The following SMAD4 variants were observed in gnomAD, a reference collection of about 807,000 sequenced individuals.
SMAD4 encodes the protein MAD homolog 4.
SMAD4 carries 7 observed loss-of-function variants against 63.2 expected under a neutral mutation model. The observed-to-expected ratio is 0.11, with a 90% CI of 0.06 to 0.21. The LOEUF (loss-of-function observed/expected upper bound fraction) is 0.21, where lower values mean the gene tolerates loss of function less well. Ranked by LOEUF, SMAD4 falls within the 10% of genes least tolerant of loss-of-function variation. SMAD4 has a pLI of 1.00. For missense variants in SMAD4, 312 were observed against 693.8 expected (o/e 0.45, Z 6.18); for synonymous variants, 215 against 235.4 (o/e 0.91, Z 0.79).
At chr18:51,056,799 T>A (rs955623476) in intron 5 of SMAD4, among the ~76,000 whole-genome samples, 1 of 152,186 alleles carries the variant, frequency 6.6e-6, no homozygotes, top group African/African-American at 2.4e-5. Flanking sequence ...TCAGTATGGA[T>A]AACTACAGTG....
chr18:51,035,440 G>A (rs796159803), intron 1 of SMAD4, among the ~76,000 whole-genome samples: 4 of 152,238 alleles, frequency 2.6e-5, no homozygotes, highest in African/African-American at 9.6e-5. Flanking sequence ...ACTTCAGGAG[G>A]CTAAGGCAAG....
chr18:51,059,546 T>C (rs1909948741), intron 7 of SMAD4, among the ~76,000 whole-genome samples: 1 of 152,262 alleles, frequency 6.6e-6, no homozygotes, highest in South Asian at 2.1e-4. Flanking sequence ...CATTGCATTA[T>C]AAATTGTACT....
rs1479928860 is a variant in SMAD4, at chr18:51,046,904, T to C, written c.-127-16T>C. ...AATGTGTTCTGATGTGTGTCTTTTTTTTTTTTCTTTTTTAGGTTATCCTGA... is the reference window on the plus strand; with the variant it reads ...AATGTGTTCTGATGTGTGTCTTTTTCTTTTTTCTTTTTTAGGTTATCCTGA... On this transcript the variant is annotated splice_polypyrimidine_tract_variant and intron_variant, in intron 1 of 11. Coordinates refer to ENST00000342988, the MANE Select transcript of SMAD4 (RefSeq NM_005359.6). 1 of 684,846 alleles carries C rather than the reference T, an allele frequency of 1.5e-6. No individual in the cohort carries two copies. Among genetic ancestry groups the C allele is most frequent in the South Asian group, 1.9e-5 (1 of 53,840 alleles). The allele number at this position is 684,846 out of a possible 1,614,324, so 42.4% of individuals were successfully genotyped here. A position where few individuals can be genotyped will look rare whatever the true frequency, so the allele number is the denominator to read the frequency against.
At chr18:51,053,369 ACATACCAAT>A (rs1369715587) in intron 4 of SMAD4, 2 of 152,192 alleles carry the variant, frequency 1.3e-5, no homozygotes, top group African/African-American at 4.8e-5. Context: ...ATAAGTGTAG[ACATACCAAT>A]TTTGTGCCCC....
Position 51,054,923 on chromosome 18 carries a change from T to C in SMAD4, c.597T>C (p.Ala199=). 2 of 1,614,148 alleles carry C rather than the reference T, an allele frequency of 1.2e-6. No homozygotes were observed. The highest frequency in any genetic ancestry group is 1.1e-5 in the South Asian group (1 of 91,082). ...RASTETYSTP[A]LLAPSESNAT... ...CGACAGAGACATACAGCACCCCAGC[T>C]CTGTTAGCCCCATCTGAGTCTAATG... Residue 199 remains alanine, a synonymous_variant, in exon 5 of 12, where the codon GCT becomes GCC. Coordinates refer to ENST00000342988, the MANE Select transcript of SMAD4 (RefSeq NM_005359.6).
chr18:51,057,698 A>G (rs1018339864), intron 5 of SMAD4, among the ~76,000 whole-genome samples: 7 of 152,158 alleles, frequency 4.6e-5, no homozygotes, highest in Admixed American at 1.3e-4. Context: ...ATCAGTGCTG[A>G]TAGTGATTAA....
intron 1 of SMAD4, among the ~76,000 whole-genome samples, chr18:51,031,071 T>C (rs1173615355): frequency 6.6e-6 from 1 of 152,234 alleles, no homozygotes; most frequent in Non-Finnish European, 1.5e-5. Flanking sequence ...TTTCTCTTCC[T>C]AGTCTTGTCA....
intron 10 of SMAD4, among the ~76,000 whole-genome samples, chr18:51,073,828 G>T (rs1467474020): frequency 6.6e-6 from 1 of 151,962 alleles, no homozygotes; most frequent in Non-Finnish European, 1.5e-5. Context: ...ACTGTGCCTG[G>T]CCAAGAGAAA....
intron 1 of SMAD4, among the ~76,000 whole-genome samples, chr18:51,038,701 A>C (rs889275043): frequency 2.6e-5 from 4 of 152,166 alleles, no homozygotes; most frequent in Non-Finnish European, 5.9e-5. Context: ...AAACAGTGTT[A>C]CTCTGATTCC....
intron 8 of SMAD4, among the ~76,000 whole-genome samples, chr18:51,063,015 G>A (rs1316710896): frequency 1.3e-5 from 2 of 151,430 alleles, no homozygotes; most frequent in African/African-American, 2.4e-5. Flanking sequence ...CACCACGCCC[G>A]GCTAATTTTT....
intron 10 of SMAD4, among the ~76,000 whole-genome samples, chr18:51,073,850 T>G (rs1910401641): frequency 6.6e-6 from 1 of 151,980 alleles, no homozygotes; most frequent in South Asian, 2.1e-4. Context: ...AGCGAGAACT[T>G]TTAAGATACA....
At chr18:51,044,267 C>T (rs531059135) in intron 1 of SMAD4, among the ~76,000 whole-genome samples, 3 of 152,312 alleles carry the variant, frequency 2.0e-5, no homozygotes, top group African/African-American at 7.2e-5. Context: ...GCCTCAGCCT[C>T]CTGAGGAGCT....
intron 10 of SMAD4, among the ~76,000 whole-genome samples, chr18:51,069,523 T>A (rs1910260125): frequency 6.6e-6 from 1 of 152,234 alleles, no homozygotes; most frequent in Non-Finnish European, 1.5e-5. Context: ...TATTATTTAT[T>A]TTTTCTTCCT....
chr18:51,083,428 GA>G lies in SMAD4; in HGVS notation c.*4963del, dbSNP rs1309057523. The G allele has an allele frequency of 4.4e-6, 1 of 228,096 alleles. No homozygotes were observed. The highest frequency in any genetic ancestry group is 8.7e-6 in the Non-Finnish European group (1 of 115,114). 14.1% of individuals were successfully genotyped at this position (228,096 alleles called of 1,614,324 possible). A position where few individuals can be genotyped will look rare whatever the true frequency, so the allele number is the denominator to read the frequency against. ...AGGGATTTTAACATCAGACTGGAAT[GA>G]ATGAATGAAACTTTTTGTCCTTTTT... On this transcript the variant is annotated 3_prime_UTR_variant, in exon 12 of 12. Coordinates refer to ENST00000342988, the MANE Select transcript of SMAD4 (RefSeq NM_005359.6).
chr18:51,054,604 A>G (rs1909790479), intron 4 of SMAD4, 177 bp from the exon 5 acceptor site: 2 of 594,616 alleles, frequency 3.4e-6, no homozygotes, highest in Non-Finnish European at 3.0e-6. Flanking sequence ...CGCTGAATAA[A>G]TGACTTTTGC....
At position 51,083,997 on chromosome 18, in the gene SMAD4, T is replaced by TGCGCACGCGCGC. The variant is rs755013043; in HGVS notation, c.*5537_*5548dup. The stretch of plus-strand genomic sequence containing the variant: ...GGCTGCAATAAACACTTAACGCGCG[T>TGCGCACGCGCGC]GCGCACGCGCGCGCGCACACACACA... On this transcript the variant is annotated 3_prime_UTR_variant, in exon 12 of 12. Transcript: ENST00000342988. 8.1e-6 allele frequency: 1 copy of TGCGCACGCGCGC among 123,764 alleles called. No individual in the cohort carries two copies. Among genetic ancestry groups the TGCGCACGCGCGC allele is most frequent in the Admixed American group, 1.2e-4 (1 of 8,040 alleles). 7.7% of individuals were successfully genotyped at this position (123,764 alleles called of 1,614,324 possible).
intron 4 of SMAD4, among the ~76,000 whole-genome samples, chr18:51,049,967 A>G (rs1909656969): frequency 6.6e-6 from 1 of 152,206 alleles, no homozygotes; most frequent in Non-Finnish European, 1.5e-5. Context: ...GTAATATTTG[A>G]GAATGGAGTT....
rs917229164 is a variant in SMAD4 at position 51,082,892 on chromosome 18, C to G, written c.*4425C>G. The G allele has an allele frequency of 4.4e-6, 1 of 226,798 alleles. No individual in the cohort carries two copies. The highest frequency in any genetic ancestry group is 8.8e-6 in the Non-Finnish European group (1 of 114,016). The allele number at this position is 226,798 out of a possible 1,614,324, so 14.0% of individuals were successfully genotyped here. Reference sequence around the variant, plus strand: ...CAAGGAAACCAGATAACCAAACTTACTAGAACGTTCTTTAAAACACAAGTA... The same window carrying G: ...CAAGGAAACCAGATAACCAAACTTAGTAGAACGTTCTTTAAAACACAAGTA... On this transcript the variant is annotated 3_prime_UTR_variant, in exon 12 of 12. Transcript: ENST00000342988.
At position 51,054,849 on chromosome 18, in the gene SMAD4, G is replaced by A. The variant is rs2144418438; in HGVS notation, c.523G>A (p.Glu175Lys). The change falls in exon 5 of 12, where the codon GAA becomes AAA. Residue 175 changes from glutamate (E) to lysine (K), a missense_variant. Glu to Lys is a moderately conservative substitution (Grantham distance 56). Around this residue, in one of 4 missense-constraint regions of SMAD4, gnomAD observed 169 missense variants for 211.0 expected, o/e 0.80. Transcript: ENST00000342988. ...DFEGQPSLST[E>K]GHSIQTIQHP... ...TGAGGGACAGCCATCGTTGTCCACT[G>A]AAGGACATTCAATTCAAACCATCCA... is the stretch of plus-strand genomic sequence containing the variant. 6.2e-7 allele frequency: 1 copy of A among 1,613,908 alleles called. No individual in the cohort carries two copies.
Sources: gnomAD v4.1 joint callset for allele counts (sites outside exome capture counted in the v4.1 genomes callset) on GRCh38, gnomAD v4.1.1 for gene constraint, gnomAD v4.1.1 regional missense constraint, MANE v1.5 for transcripts, NCBI Gene and HGNC (gene_info 2026-07-23, HGNC 2026-07-21) for gene names.